The following DCC variants were observed in gnomAD, a reference collection of about 807,000 sequenced individuals.
DCC encodes the protein netrin receptor DCC.
Under a neutral mutation model 172.5 loss-of-function variants are expected in DCC, and 58 were observed. The ratio of observed to expected loss-of-function variants is 0.34; its 90% CI spans 0.27 to 0.42. DCC has a LOEUF of 0.42. Among genes scored for constraint, DCC ranks in the 10% least tolerant of loss-of-function variants. The pLI, the probability that DCC is intolerant of heterozygous loss-of-function variation, is 1.00. For missense variants in DCC, 1,740 were observed against 1,791.0 expected (o/e 0.97, Z 0.51); for synonymous variants, 709 against 644.5 (o/e 1.10, Z -1.52).
At chr18:53,306,056 T>A (rs758960899) in intron 13 of DCC, among the ~76,000 whole-genome samples, 67 of 152,172 alleles carry the variant, frequency 4.4e-4, no homozygotes, top group Non-Finnish European at 7.9e-4. Context: ...ATGAAATTGT[T>A]CCAATTTCAA....
At chr18:52,684,408 G>C (rs191328043) in intron 1 of DCC, among the ~76,000 whole-genome samples, 1 of 150,210 alleles carries the variant, frequency 6.7e-6, no homozygotes, top group African/African-American at 2.5e-5. Flanking sequence ...CTGAATAGTT[G>C]CTTCCATTAA....
chr18:52,576,052 C>T (rs1881900596), intron 1 of DCC, among the ~76,000 whole-genome samples: 2 of 152,194 alleles, frequency 1.3e-5, no homozygotes, highest in African/African-American at 2.4e-5. Flanking sequence ...ACAAGTTTAA[C>T]AACTTGGTCT....
At chr18:52,744,779 C>G (rs766275556) in intron 1 of DCC, among the ~76,000 whole-genome samples, 3 of 152,144 alleles carry the variant, frequency 2.0e-5, no homozygotes, top group Non-Finnish European at 4.4e-5. Context: ...TTGTGGTTTT[C>G]CCATCTAGAG....
chr18:52,740,562 T>A (rs897137430), intron 1 of DCC, among the ~76,000 whole-genome samples: 2 of 152,208 alleles, frequency 1.3e-5, no homozygotes, highest in Non-Finnish European at 2.9e-5. Context: ...GTTTGCTGAA[T>A]TTTTAAGGTT....
At chr18:52,888,523 G>A (rs1272831972) in intron 2 of DCC, among the ~76,000 whole-genome samples, 1 of 151,956 alleles carries the variant, frequency 6.6e-6, no homozygotes, top group Non-Finnish European at 1.5e-5. Context: ...AAGAACCCAA[G>A]TCAGCTTATT....
chr18:53,003,363 A>T lies in DCC; in HGVS notation c.986-59942A>T, dbSNP rs142062606. Among the ~76,000 whole-genome samples the T allele has an allele frequency of 3.7e-3, 562 of 152,328 alleles. 1 individual carries two copies. Among genetic ancestry groups the T allele is most frequent in the Non-Finnish European group, 5.7e-3 (388 of 68,026 alleles). ...ATCTGTAATACACATTGAACTTAGT[A>T]ACATGGCCCTGGGGTCAGTGGCGGA... On this transcript the variant is annotated intron_variant, in intron 5 of 28. Coordinates refer to ENST00000442544, the MANE Select transcript of DCC (RefSeq NM_005215.4).
At chr18:53,468,898 C>A (rs555220677) in intron 25 of DCC, among the ~76,000 whole-genome samples, 12 of 152,160 alleles carry the variant, frequency 7.9e-5, no homozygotes, top group African/African-American at 2.9e-4. Context: ...AGTATTCATG[C>A]AGATAATCCA....
intron 21 of DCC, among the ~76,000 whole-genome samples, chr18:53,428,876 TAATA>T (rs1468605978): frequency 3.7e-5 from 2 of 54,210 alleles, no homozygotes; most frequent in African/African-American, 1.4e-4. Flanking sequence ...ATTTTATATA[TAATA>T]AATTATATAT....
intron 1 of DCC, among the ~76,000 whole-genome samples, chr18:52,462,679 A>G (rs1169423162): frequency 6.6e-6 from 1 of 151,756 alleles, no homozygotes; most frequent in East Asian, 1.9e-4. Flanking sequence ...CATGTCATAC[A>G]CCGTCTGTTT....
chr18:52,778,451 G>A (rs1442719913), intron 2 of DCC, among the ~76,000 whole-genome samples: 1 of 152,024 alleles, frequency 6.6e-6, no homozygotes, highest in Non-Finnish European at 1.5e-5. Flanking sequence ...GGCATTGGCT[G>A]ATACATTATT....
chr18:52,939,654 T>C (rs535343170), intron 5 of DCC, among the ~76,000 whole-genome samples: 185 of 152,308 alleles, frequency 1.2e-3, no homozygotes, highest in African/African-American at 4.1e-3. Flanking sequence ...CAATATATTA[T>C]GGAGATACTA....
At chr18:52,538,575 C>T (rs1167455906) in intron 1 of DCC, among the ~76,000 whole-genome samples, 1 of 152,042 alleles carries the variant, frequency 6.6e-6, no homozygotes, top group Non-Finnish European at 1.5e-5. Flanking sequence ...TGTCTATCTC[C>T]TTCCATTCCT....
At chr18:53,248,320 G>A (rs2056388921) in intron 12 of DCC, among the ~76,000 whole-genome samples, 1 of 151,930 alleles carries the variant, frequency 6.6e-6, no homozygotes, top group Non-Finnish European at 1.5e-5. Flanking sequence ...ACCTTTGTCA[G>A]TGATTACCCC....
At chr18:52,404,529 G>A (rs11082923) in intron 1 of DCC, among the ~76,000 whole-genome samples, 116,826 of 151,458 alleles carry the variant, frequency 0.77, 45,141 homozygotes, top group Middle Eastern at 0.82. Flanking sequence ...TCTTTCCAAG[G>A]ACACACACAG....
intron 1 of DCC, among the ~76,000 whole-genome samples, chr18:52,594,476 A>G (rs1163734207): frequency 1.3e-5 from 2 of 152,206 alleles, no homozygotes; most frequent in African/African-American, 4.8e-5. Flanking sequence ...GAGAGGAGAC[A>G]GGAACTGAAA....
intron 2 of DCC, among the ~76,000 whole-genome samples, chr18:52,903,231 G>C (rs940032535): frequency 7.2e-5 from 11 of 152,008 alleles, no homozygotes; most frequent in African/African-American, 2.7e-4. Context: ...TTTGAGACAG[G>C]TTCTCACTCT....
At position 53,341,387 on chromosome 18, in the gene DCC, C is replaced by T. The variant is rs576324096; in HGVS notation, c.2359+1480C>T. Among the ~76,000 whole-genome samples the T allele has an allele frequency of 4.7e-4, 71 of 152,240 alleles. No homozygotes were observed. The South Asian group carries it at 0.014, about 30-fold the overall frequency. ...AGGTCTCCAAATTTAGTCAAGTTGACGCATTTGGGAGATTAACGTTGGCAA... is the reference window on the plus strand; with the variant it reads ...AGGTCTCCAAATTTAGTCAAGTTGATGCATTTGGGAGATTAACGTTGGCAA... On this transcript the variant is annotated intron_variant, in intron 15 of 28. Coordinates refer to ENST00000442544, the MANE Select transcript of DCC (RefSeq NM_005215.4).
intron 25 of DCC, among the ~76,000 whole-genome samples, chr18:53,483,571 G>T (rs1003264195): frequency 6.6e-6 from 1 of 151,770 alleles, no homozygotes; most frequent in Non-Finnish European, 1.5e-5. Flanking sequence ...CCTTGAACTG[G>T]AATCTACAAT....
chr18:53,448,650 G>A (rs186773475), intron 22 of DCC, among the ~76,000 whole-genome samples: 19 of 152,020 alleles, frequency 1.2e-4, no homozygotes, highest in African/African-American at 4.3e-4. Flanking sequence ...CCTGAAGTAA[G>A]GTGTTCAAGA....
Sources: allele counts gnomAD v4.1 joint callset (sites outside exome capture counted in the v4.1 genomes callset), GRCh38; gene constraint gnomAD v4.1.1; transcripts MANE v1.5; gene names NCBI Gene and HGNC (gene_info 2026-07-23, HGNC 2026-07-21).